The following PPP1R9A variants were observed in gnomAD, a reference collection of about 807,000 sequenced individuals.
The protein encoded by PPP1R9A is neurabin-1.
Under a neutral mutation model 141.9 loss-of-function variants are expected in PPP1R9A, and 59 were observed. The observed-to-expected ratio is 0.42, with a 90% CI of 0.34 to 0.52. PPP1R9A has a LOEUF of 0.52. Among genes scored for constraint, PPP1R9A ranks in the 20% least tolerant of loss-of-function variants. The pLI, the probability that PPP1R9A is intolerant of heterozygous loss-of-function variation, is 0.10. For synonymous variants in PPP1R9A, 500 were observed against 569.7 expected (o/e 0.88, Z 1.74); for missense variants, 1,444 against 1,611.9 (o/e 0.90, Z 1.78).
At chr7:95,259,664 G>A (rs1800133408) in intron 12 of PPP1R9A, among the ~76,000 whole-genome samples, 1 of 152,102 alleles carries the variant, frequency 6.6e-6, no homozygotes, top group Admixed American at 6.6e-5. Flanking sequence ...AGTACATTAA[G>A]CATTCTCTTT....
rs1791327506 is a variant in PPP1R9A at position 94,910,457 on chromosome 7, A to G, written c.344A>G (p.Lys115Arg). The change falls in exon 2 of 20, where the codon AAG becomes AGG. Residue 115 changes from lysine (K) to arginine (R), a missense_variant. This residue lies in a region of PPP1R9A where 490 missense variants were observed against 521.1 expected (regional missense o/e 0.94). Transcript: ENST00000433360. This position sits in a 1 kb window ranked among gnomAD's most constrained non-coding sequence, Gnocchi z 4.5. ...GAAAAAACAGATGGCTCAGTTGTTA[A>G]GTTGGAGTCTTCTGTTTCTGAACGA... ...FLEKTDGSVV[K>R]LESSVSERIS... is the part of the protein sequence containing the mutation. The G allele has an allele frequency of 6.2e-7, 1 of 1,614,086 alleles. No homozygotes were observed. Among genetic ancestry groups the G allele is most frequent in the South Asian group, 1.1e-5 (1 of 91,092 alleles).
intron 3 of PPP1R9A, among the ~76,000 whole-genome samples, chr7:95,115,723 C>T (rs1821371013): frequency 6.6e-6 from 1 of 151,822 alleles, no homozygotes; most frequent in African/African-American, 2.4e-5. Context: ...CTGAGACCAT[C>T]CTGGCTAACA....
intron 12 of PPP1R9A, among the ~76,000 whole-genome samples, chr7:95,254,082 C>T (rs1250472863): frequency 3.9e-5 from 6 of 152,110 alleles, no homozygotes; most frequent in Admixed American, 3.9e-4. Context: ...TTCTATTCTA[C>T]ACCCTCCATT....
At position 95,292,246 on chromosome 7, in the gene PPP1R9A, A is replaced by C. The variant is rs1052620676; in HGVS notation, c.*1943A>C. ...GTTATTTTTTCACATCATGAGAAAT[A>C]AGAAGCCACTATTAATGAGTGATAC... On this transcript the variant is annotated 3_prime_UTR_variant, in exon 20 of 20. Transcript: ENST00000433360. 6.6e-6 allele frequency: 1 copy of C among 152,576 alleles called. No homozygotes were observed. The allele number at this position is 152,576 out of a possible 1,614,324, so 9.5% of individuals were successfully genotyped here.
intron 2 of PPP1R9A, among the ~76,000 whole-genome samples, chr7:94,920,723 G>C (rs891166881): frequency 6.6e-6 from 1 of 152,146 alleles, no homozygotes; most frequent in Non-Finnish European, 1.5e-5. Context: ...GACATAGAGT[G>C]GTTGGCAAGG....
chr7:95,228,399 A>G (rs1435566481), intron 8 of PPP1R9A, among the ~76,000 whole-genome samples: 1 of 152,180 alleles, frequency 6.6e-6, no homozygotes, highest in Non-Finnish European at 1.5e-5. Flanking sequence ...CATGTACCCA[A>G]TTTAATGTTT....
At chr7:95,148,795 A>G (rs1413321287) in intron 4 of PPP1R9A, among the ~76,000 whole-genome samples, 1 of 152,112 alleles carries the variant, frequency 6.6e-6, no homozygotes, top group African/African-American at 2.4e-5. Context: ...AAGTGTACCA[A>G]TCCTCTCCTA....
rs558672738 is a variant in PPP1R9A, at chr7:95,086,283, G to A, written c.1396-24976G>A. On this transcript the variant is annotated intron_variant, in intron 2 of 19. Coordinates refer to ENST00000433360, the MANE Select transcript of PPP1R9A (RefSeq NM_001166160.2). The stretch of plus-strand genomic sequence containing the variant: ...CAAAACATTAGGGAATTTTAGTTTA[G>A]GATTTTTATGTCTTAACACATATTT... Among the ~76,000 whole-genome samples, 32 of 152,002 alleles carry A rather than the reference G, an allele frequency of 2.1e-4. 2 individuals carry two copies. The highest frequency in any genetic ancestry group is 5.9e-4 in the Admixed American group (9 of 15,268).
At chr7:95,021,545 A>G (rs1584311313) in intron 2 of PPP1R9A, among the ~76,000 whole-genome samples, 1 of 152,126 alleles carries the variant, frequency 6.6e-6, no homozygotes, top group Admixed American at 6.5e-5. Flanking sequence ...GTCTTTGCCC[A>G]TGCCTGTGTC....
chr7:95,128,282 T>A lies in PPP1R9A; in HGVS notation c.1649+7450T>A, dbSNP rs562442607. 4.6e-5 allele frequency among the ~76,000 whole-genome samples: 7 copies of A among 152,330 alleles called. No homozygotes were observed. The East Asian group carries it at 7.7e-4, about 17-fold the overall frequency. On this transcript the variant is annotated intron_variant, in intron 4 of 19. Coordinates refer to ENST00000433360, the MANE Select transcript of PPP1R9A (RefSeq NM_001166160.2). ...GTGATTAGTGATATGGAGCATTTTT[T>A]AATATGTTTGTTGGCTGCTTGTATG...
Position 95,268,637 on chromosome 7 carries a change from A to G in PPP1R9A, c.2753A>G (p.Gln918Arg), listed in dbSNP as rs1801670826. 3 of 1,613,420 alleles carry G rather than the reference A, an allele frequency of 1.9e-6. No individual in the cohort carries two copies. Among genetic ancestry groups the G allele is most frequent in the Non-Finnish European group, 2.5e-6 (3 of 1,179,568 alleles). ...CAGCTCTCTGTGAAGAACAGACGCC[A>G]GAGACCCTCTAGGACAAGACTGTAT... ...RAQLSVKNRR[Q>R]RPSRTRLYDS... is the part of the protein sequence containing the mutation. The change falls in exon 13 of 20, where the codon CAG (glutamine) becomes CGG (arginine). Residue 918 changes from glutamine to arginine, a missense_variant. This residue lies in a region of PPP1R9A where 488 missense variants were observed against 542.0 expected (regional missense o/e 0.90). Coordinates refer to ENST00000433360, the MANE Select transcript of PPP1R9A (RefSeq NM_001166160.2).
chr7:95,008,190 C>G (rs1584248058), intron 2 of PPP1R9A, among the ~76,000 whole-genome samples: 1 of 152,092 alleles, frequency 6.6e-6, no homozygotes, highest in Admixed American at 6.6e-5. Flanking sequence ...ATATGGTCAG[C>G]TAAGCTCAGC....
chr7:95,169,796 A>G (rs1244279169), intron 5 of PPP1R9A, among the ~76,000 whole-genome samples: 1 of 151,928 alleles, frequency 6.6e-6, no homozygotes, highest in Non-Finnish European at 1.5e-5. Flanking sequence ...TCCCAGAGGA[A>G]TACTCAAGAA....
At chr7:94,970,103 C>T (rs896744495) in intron 2 of PPP1R9A, among the ~76,000 whole-genome samples, 4 of 152,176 alleles carry the variant, frequency 2.6e-5, no homozygotes, top group African/African-American at 9.7e-5. Context: ...GTGGGATCCA[C>T]TGAGCTAGAC....
At chr7:95,117,720 A>G (rs1279911572) in intron 3 of PPP1R9A, among the ~76,000 whole-genome samples, 1 of 152,168 alleles carries the variant, frequency 6.6e-6, no homozygotes, top group Non-Finnish European at 1.5e-5. Flanking sequence ...TTGTACGGTA[A>G]TGAGTATGGG....
chr7:95,279,432 A>G (rs1020593997), intron 16 of PPP1R9A, among the ~76,000 whole-genome samples: 4 of 152,218 alleles, frequency 2.6e-5, no homozygotes, highest in Admixed American at 6.6e-5. Flanking sequence ...AGTCATTTTC[A>G]TGGAGACCTT....
At chr7:95,182,166 A>G (rs1380348943) in intron 5 of PPP1R9A, among the ~76,000 whole-genome samples, 1 of 151,816 alleles carries the variant, frequency 6.6e-6, no homozygotes, top group Non-Finnish European at 1.5e-5. Flanking sequence ...CAATAAACTG[A>G]AAAATAAAAA....
intron 2 of PPP1R9A, among the ~76,000 whole-genome samples, chr7:95,041,220 C>A (rs1809182228): frequency 6.6e-6 from 1 of 152,118 alleles, no homozygotes; most frequent in Non-Finnish European, 1.5e-5. Flanking sequence ...TTATGACATA[C>A]ATTAGTAGAC....
At chr7:94,912,190 T>C (rs1039185927) in intron 2 of PPP1R9A, among the ~76,000 whole-genome samples, 3 of 152,256 alleles carry the variant, frequency 2.0e-5, no homozygotes, top group African/African-American at 7.2e-5. Context: ...TTCATGGATT[T>C]ATTTTTACCT....
Sources: allele counts gnomAD v4.1 joint callset (sites outside exome capture counted in the v4.1 genomes callset), GRCh38; gene constraint gnomAD v4.1.1; regional missense constraint gnomAD v4.1.1; non-coding constraint Gnocchi (gnomAD v3.1); transcripts MANE v1.5; gene names NCBI Gene and HGNC (gene_info 2026-07-23, HGNC 2026-07-21).